Variants in XPO1 observed in about 807,000 individuals in gnomAD.
XPO1 encodes exportin 1.
XPO1 carries 5 observed loss-of-function variants against 133.3 expected under a neutral mutation model. The ratio of observed to expected loss-of-function variants is 0.04; its 90% CI spans 0.02 to 0.08. XPO1 has a LOEUF of 0.08. Ranked by LOEUF, XPO1 falls within the 10% of genes least tolerant of loss-of-function variation. XPO1 has a pLI of 1.00. For synonymous variants in XPO1, 419 were observed against 408.2 expected (o/e 1.03, Z -0.32); for missense variants, 506 against 1,267.5 (o/e 0.40, Z 9.12).
chr2:61,512,382 G>T (rs1172704260), intron 4 of XPO1, among the ~76,000 whole-genome samples: 1 of 152,088 alleles, frequency 6.6e-6, no homozygotes, highest in African/African-American at 2.4e-5. Context: ...GAATTCCATA[G>T]TCAACGAACT....
chr2:61,483,833 A>G (rs1435192565), intron 21 of XPO1, 104 bp downstream of exon 21: 2 of 1,303,986 alleles, frequency 1.5e-6, no homozygotes, highest in Non-Finnish European at 2.1e-6. Flanking sequence ...TATGTAATTC[A>G]CACACTCAAA....
chr2:61,518,585 C>T (rs1698528277), intron 4 of XPO1, among the ~76,000 whole-genome samples: 2 of 151,906 alleles, frequency 1.3e-5, no homozygotes, highest in Non-Finnish European at 2.9e-5. Context: ...CCACTGCACT[C>T]CAGCCTGGGC....
intron 2 of XPO1, among the ~76,000 whole-genome samples, chr2:61,530,603 G>A (rs908404403): frequency 1.3e-5 from 2 of 151,774 alleles, no homozygotes; most frequent in African/African-American, 2.4e-5. Context: ...GAGGGTAGAG[G>A]GTAGTCCTAA....
intron 4 of XPO1, among the ~76,000 whole-genome samples, chr2:61,506,215 G>A (rs909792942): frequency 6.6e-6 from 1 of 152,140 alleles, no homozygotes; most frequent in Non-Finnish European, 1.5e-5. Context: ...GAGGTCAGGA[G>A]TTCCAGACCA....
intron 4 of XPO1, chr2:61,502,756 A>G (rs1697596710): frequency 6.5e-6 from 1 of 154,826 alleles, no homozygotes; most frequent in Non-Finnish European, 1.4e-5. Flanking sequence ...TAAAAAAAAA[A>G]AATCAATGAA....
intron 10 of XPO1, among the ~76,000 whole-genome samples, chr2:61,496,446 C>T (rs911216656): frequency 1.3e-5 from 2 of 152,180 alleles, no homozygotes; most frequent in Non-Finnish European, 2.9e-5. Context: ...CTGGCATCAA[C>T]TGGTCCTCCC....
intron 24 of XPO1, chr2:61,480,418 T>G (rs1389654212): frequency 6.6e-6 from 1 of 151,466 alleles, no homozygotes; most frequent in African/African-American, 2.4e-5. Flanking sequence ...TAGCTGCGAA[T>G]ACAGCTGTGC....
intron 4 of XPO1, among the ~76,000 whole-genome samples, chr2:61,520,507 T>C (rs1698637010): frequency 6.7e-6 from 1 of 150,272 alleles, no homozygotes; most frequent in Non-Finnish European, 1.5e-5. Context: ...AAAAATTTAG[T>C]AGGGCATGGT....
intron 2 of XPO1, among the ~76,000 whole-genome samples, chr2:61,532,282 C>G (rs931612676): frequency 8.6e-5 from 13 of 151,956 alleles, no homozygotes; most frequent in Non-Finnish European, 1.9e-4. Flanking sequence ...CGCCCGCCAC[C>G]ACGCCTGGCT....
intron 4 of XPO1, among the ~76,000 whole-genome samples, chr2:61,514,296 C>T (rs1383431103): frequency 2.0e-5 from 3 of 151,790 alleles, no homozygotes; most frequent in African/African-American, 7.3e-5. Flanking sequence ...CAACACTACT[C>T]CACATGGAAA....
Position 61,492,831 on chromosome 2 carries a change from A to T in XPO1, c.1385-83T>A, listed in dbSNP as rs776202336. 3 of 1,558,440 alleles carry T rather than the reference A, an allele frequency of 1.9e-6. No individual in the cohort carries two copies. The highest frequency in any genetic ancestry group is 1.4e-5 in the African/African-American group (1 of 72,970). On this transcript the variant is annotated intron_variant, in intron 13 of 24. Coordinates refer to ENST00000401558, the MANE Select transcript of XPO1 (RefSeq NM_003400.4). This position sits in a 1 kb window ranked among gnomAD's most constrained non-coding sequence, Gnocchi z 5.6. ...AACAATACATTTAGAAAATATTTAGAAACTACAAGTACATTTCCTAAAATG... is the reference window on the plus strand; with the variant it reads ...AACAATACATTTAGAAAATATTTAGTAACTACAAGTACATTTCCTAAAATG...
intron 24 of XPO1, among the ~76,000 whole-genome samples, chr2:61,479,557 C>T (rs1286562518): frequency 1.3e-5 from 2 of 152,162 alleles, no homozygotes; most frequent in Non-Finnish European, 2.9e-5. Context: ...GCATCCCATC[C>T]CCTAAGTATA....
At chr2:61,510,178 G>C (rs1355210241) in intron 4 of XPO1, among the ~76,000 whole-genome samples, 1 of 152,192 alleles carries the variant, frequency 6.6e-6, no homozygotes, top group Non-Finnish European at 1.5e-5. Context: ...TCTGGAGGCT[G>C]AGGCACAAGA....
At chr2:61,512,807 G>T (rs1348231749) in intron 4 of XPO1, among the ~76,000 whole-genome samples, 1 of 152,198 alleles carries the variant, frequency 6.6e-6, no homozygotes, top group African/African-American at 2.4e-5. Context: ...TTGGGAGGCT[G>T]AGACTGGCGG....
At chr2:61,531,825 G>A (rs1699164873) in intron 2 of XPO1, among the ~76,000 whole-genome samples, 1 of 152,090 alleles carries the variant, frequency 6.6e-6, no homozygotes, top group African/African-American at 2.4e-5. Context: ...AAATACGGAT[G>A]GTTAATTTTT....
intron 2 of XPO1, among the ~76,000 whole-genome samples, chr2:61,529,020 C>T (rs1364079494): frequency 1.3e-5 from 2 of 151,626 alleles, no homozygotes; most frequent in Non-Finnish European, 2.9e-5. Flanking sequence ...CCAGCCTGGG[C>T]AACAAAGAAA....
chr2:61,521,698 A>G (rs183459089), intron 4 of XPO1, among the ~76,000 whole-genome samples: 45 of 152,266 alleles, frequency 3.0e-4, no homozygotes, highest in East Asian at 2.9e-3. Context: ...CAGCTTTGTG[A>G]TCTTTAGTAC....
intron 4 of XPO1, among the ~76,000 whole-genome samples, chr2:61,518,021 T>G (rs912994890): frequency 1.3e-5 from 2 of 151,978 alleles, no homozygotes; most frequent in African/African-American, 4.8e-5. Context: ...TCCCAGCTAC[T>G]TGGGAGACTG....
At position 61,515,937 on chromosome 2, in the gene XPO1, C is replaced by CCACACACA. The variant is rs35237510; in HGVS notation, c.301+6666_301+6673dup. 9.9e-3 allele frequency among the ~76,000 whole-genome samples: 1,096 copies of CCACACACA among 110,760 alleles called. 28 individuals carry two copies. The highest frequency in any genetic ancestry group is 0.039 in the African/African-American group (1,016 of 25,730). 72.7% of individuals were successfully genotyped at this position (110,760 alleles called of 152,430 possible). On this transcript the variant is annotated intron_variant, in intron 4 of 24. Coordinates refer to ENST00000401558, the MANE Select transcript of XPO1 (RefSeq NM_003400.4). ...TCTCTACTAAAAAAAAAAAAAAAAA[C>CCACACACA]CACACACACACACACACACACACAC... is the stretch of plus-strand genomic sequence containing the variant.
Sources: allele counts gnomAD v4.1 joint callset (sites outside exome capture counted in the v4.1 genomes callset), GRCh38; gene constraint gnomAD v4.1.1; non-coding constraint Gnocchi (gnomAD v3.1); transcripts MANE v1.5; gene names NCBI Gene and HGNC (gene_info 2026-07-23, HGNC 2026-07-21).